FNDC1: variants seen among roughly 807,000 people sequenced by gnomAD.
The protein encoded by FNDC1 is fibronectin type III domain containing 1.
FNDC1 carries 96 observed loss-of-function variants against 168.0 expected under a neutral mutation model. The observed-to-expected ratio is 0.57, with a 90% CI of 0.48 to 0.68. The LOEUF (loss-of-function observed/expected upper bound fraction) is 0.68, where lower values mean the gene tolerates loss of function less well. Ranked by LOEUF, FNDC1 falls within the 30% of genes least tolerant of loss-of-function variation. FNDC1 has a pLI of 0.00. For synonymous variants in FNDC1, 1,099 were observed against 1,025.9 expected (o/e 1.07, Z -1.36); for missense variants, 2,587 against 2,482.1 (o/e 1.04, Z -0.90).
chr6:159,231,773 G>C, intron 10 of FNDC1, 109 bp from the exon 11 acceptor site: 2 of 816,930 alleles, frequency 2.4e-6, no homozygotes, highest in Non-Finnish European at 3.8e-6. Flanking sequence ...TAGCCATTAT[G>C]ACTACTGATT....
chr6:159,261,652 C>T (rs1777487685), intron 19 of FNDC1, among the ~76,000 whole-genome samples: 1 of 152,206 alleles, frequency 6.6e-6, no homozygotes. Context: ...TTCCAATGAG[C>T]CAAGACATTG....
chr6:159,240,188 A>G (rs2115002047), intron 14 of FNDC1, among the ~76,000 whole-genome samples: 1 of 152,008 alleles, frequency 6.6e-6, no homozygotes, highest in African/African-American at 2.4e-5. Flanking sequence ...GAAAAAAATT[A>G]TTTCCTGTTC....
At chr6:159,254,429 A>G (rs1218289626) in intron 17 of FNDC1, among the ~76,000 whole-genome samples, 1 of 152,174 alleles carries the variant, frequency 6.6e-6, no homozygotes, top group Non-Finnish European at 1.5e-5. Flanking sequence ...GTAAAATCAG[A>G]TGCAAATCGT....
chr6:159,230,038 C>T (rs1783049242), intron 10 of FNDC1, 35 bp downstream of exon 10: 5 of 1,557,478 alleles, frequency 3.2e-6, no homozygotes, highest in Non-Finnish European at 3.5e-6. Context: ...TCTTCTCTCT[C>T]TCTTCATTCC....
In FNDC1 at chr6:159,251,514, C is replaced by T. The variant is rs867496665; in HGVS notation, c.5047C>T (p.Pro1683Ser). 1.1e-5 allele frequency: 18 copies of T among 1,613,440 alleles called. No individual in the cohort carries two copies. In the Middle Eastern group the frequency reaches 1.3e-3, roughly 118 times the overall value. ...CATTGTGGACTGGGACAAAGCCACC[C>T]CAGGAGATGTGGTCACAGGTGTGTC... The part of the protein sequence containing the change: ...FVIVDWDKAT[P>S]GDVVTGYLVY... The change falls in exon 17 of 23, where the codon CCA becomes TCA. Residue 1683 changes from proline to serine, a missense_variant. Coordinates refer to ENST00000297267, the MANE Select transcript of FNDC1 (RefSeq NM_032532.3).
At chr6:159,264,328 A>T (rs984614923) in intron 19 of FNDC1, among the ~76,000 whole-genome samples, 2 of 152,138 alleles carry the variant, frequency 1.3e-5, no homozygotes, top group Non-Finnish European at 2.9e-5. Flanking sequence ...GTATCAGTAG[A>T]CTCATACAGT....
chr6:159,270,589 C>T (rs942520740), intron 22 of FNDC1, among the ~76,000 whole-genome samples: 9 of 152,232 alleles, frequency 5.9e-5, no homozygotes, highest in South Asian at 2.1e-4. Flanking sequence ...ATTTATTTGG[C>T]AAAAGTAAAC....
At chr6:159,214,090 C>A (rs61484587) in intron 4 of FNDC1, among the ~76,000 whole-genome samples, 1,890 of 152,270 alleles carry the variant, frequency 0.012, 43 homozygotes, top group African/African-American at 0.044. Flanking sequence ...CTGCCTTACA[C>A]AATTAAAGAG....
In FNDC1 at chr6:159,271,476, C is replaced by T; in HGVS notation, c.*34C>T. On this transcript the variant is annotated 3_prime_UTR_variant, in exon 23 of 23. Transcript: ENST00000297267. The stretch of plus-strand genomic sequence containing the variant: ...CCGTCATGCTGCAAGCTTGCCCTGC[C>T]CAGCCCCACCAACTAAGTCGCACTA... The T allele has an allele frequency of 6.6e-7, 1 of 1,506,262 alleles. No individual in the cohort carries two copies. The highest frequency in any genetic ancestry group is 9.1e-7 in the Non-Finnish European group (1 of 1,097,016). The allele number at this position is 1,506,262 out of a possible 1,614,324, so 93.3% of individuals were successfully genotyped here.
chr6:159,211,492 A>G (rs1254144508), intron 4 of FNDC1, among the ~76,000 whole-genome samples: 1 of 152,208 alleles, frequency 6.6e-6, no homozygotes, highest in Non-Finnish European at 1.5e-5. Context: ...GCAACCTCAT[A>G]TTTGAAAAGA....
At chr6:159,268,576 CATCT>C (rs969844504) in intron 22 of FNDC1, among the ~76,000 whole-genome samples, 7 of 152,122 alleles carry the variant, frequency 4.6e-5, no homozygotes, top group Non-Finnish European at 5.9e-5. Flanking sequence ...TCCACCCATC[CATCT>C]ATCCGTCTCT....
rs1782274566 is a variant in FNDC1, at chr6:159,197,552, T to C, written c.231T>C (p.Tyr77=). 1 of 1,613,886 alleles carries C rather than the reference T, an allele frequency of 6.2e-7. No individual in the cohort carries two copies. The highest frequency in any genetic ancestry group is 8.5e-7 in the Non-Finnish European group (1 of 1,179,898). ...SRPVEHYNIA[Y]GKSLKSLKYI... Reference sequence around the variant, plus strand: ...CTGTGGAGCATTACAACATTGCCTATGGGAAGTCACTGAAAAGTCTTAAAT... The same window carrying C: ...CTGTGGAGCATTACAACATTGCCTACGGGAAGTCACTGAAAAGTCTTAAAT... Residue 77 remains tyrosine (Y), a synonymous_variant, in exon 2 of 23, where the codon TAT becomes TAC. Coordinates refer to ENST00000297267, the MANE Select transcript of FNDC1 (RefSeq NM_032532.3).
chr6:159,179,597 C>G (rs1781839409), intron 1 of FNDC1, among the ~76,000 whole-genome samples: 1 of 152,228 alleles, frequency 6.6e-6, no homozygotes, highest in Admixed American at 6.5e-5. Context: ...CCCAGCACAT[C>G]TTATCACTGC....
intron 11 of FNDC1, among the ~76,000 whole-genome samples, chr6:159,235,023 C>T (rs998710274): frequency 1.2e-4 from 19 of 152,160 alleles, no homozygotes; most frequent in Admixed American, 9.8e-4. Context: ...CCAAACAAAC[C>T]CTGAGACAAA....
At chr6:159,179,150 A>G (rs1781830770) in intron 1 of FNDC1, among the ~76,000 whole-genome samples, 1 of 152,154 alleles carries the variant, frequency 6.6e-6, no homozygotes, top group Admixed American at 6.5e-5. Flanking sequence ...TGCCTGAGCA[A>G]CCTTCCATGA....
At chr6:159,182,426 C>T (rs1360977814) in intron 1 of FNDC1, among the ~76,000 whole-genome samples, 3 of 152,172 alleles carry the variant, frequency 2.0e-5, no homozygotes, top group Non-Finnish European at 2.9e-5. Context: ...GTGAGTGACC[C>T]AGGGCTTCCA....
At chr6:159,214,497 C>A (rs1782670048) in intron 4 of FNDC1, among the ~76,000 whole-genome samples, 1 of 152,152 alleles carries the variant, frequency 6.6e-6, no homozygotes. Context: ...ATTGTAAAGG[C>A]AAGGAAAGCC....
chr6:159,219,225 G>C (rs1431366738), intron 5 of FNDC1, among the ~76,000 whole-genome samples: 1 of 152,126 alleles, frequency 6.6e-6, no homozygotes. Context: ...ATTTTTAGTA[G>C]AGGCAAGGTT....
chr6:159,249,240 A>C lies in FNDC1; in HGVS notation c.4834+58A>C, dbSNP rs991066933. The C allele has an allele frequency of 3.3e-6, 5 of 1,524,012 alleles. No individual in the cohort carries two copies. In the African/African-American group the frequency reaches 6.9e-5, roughly 21 times the overall value. 94.4% of individuals were successfully genotyped at this position (1,524,012 alleles called of 1,614,324 possible). A position where few individuals can be genotyped will look rare whatever the true frequency, so the allele number is the denominator to read the frequency against. On this transcript the variant is annotated intron_variant, in intron 16 of 22. Coordinates refer to ENST00000297267, the MANE Select transcript of FNDC1 (RefSeq NM_032532.3). ...GGTTTTTAACTTGTGGTCTTTGAAG[A>C]AAAACATTACTAATCTTTTGGCCTC...
Sources: allele counts gnomAD v4.1 joint callset (sites outside exome capture counted in the v4.1 genomes callset), GRCh38; gene constraint gnomAD v4.1.1; transcripts MANE v1.5; gene names NCBI Gene and HGNC (gene_info 2026-07-23, HGNC 2026-07-21).